FOXO3: variants seen among roughly 807,000 people sequenced by gnomAD.
The protein encoded by FOXO3 is forkhead box O3.
In FOXO3, 4 loss-of-function variants were observed where a neutral mutation model predicts 41.9. The ratio of observed to expected loss-of-function variants is 0.10; its 90% CI spans 0.05 to 0.22. The LOEUF is 0.22. Among genes scored for constraint, FOXO3 ranks in the 10% least tolerant of loss-of-function variants. FOXO3 has a pLI of 1.00. For missense variants in FOXO3, 534 were observed against 906.8 expected (o/e 0.59, Z 5.28); for synonymous variants, 318 against 389.3 (o/e 0.82, Z 2.16).
chr6:108,620,257 G>A (rs1325236901), intron 1 of FOXO3, among the ~76,000 whole-genome samples: 2 of 152,140 alleles, frequency 1.3e-5, no homozygotes, highest in South Asian at 2.1e-4. Flanking sequence ...AGGTCTTAAC[G>A]TGGTTTCATG....
rs553003277 is a variant in FOXO3, at chr6:108,587,850, A to G, written c.621+26021A>G. Reference sequence around the variant, plus strand: ...TTGTGTTAAGTCAGCCATAGGACACACATAAATATTTTTATAGAAAACTTA... The same window carrying G: ...TTGTGTTAAGTCAGCCATAGGACACGCATAAATATTTTTATAGAAAACTTA... On this transcript the variant is annotated intron_variant, in intron 1 of 2. Coordinates refer to ENST00000406360, the MANE Select transcript of FOXO3 (RefSeq NM_001455.4). Among the ~76,000 whole-genome samples, 15 of 152,360 alleles carry G rather than the reference A, an allele frequency of 9.8e-5. No individual in the cohort carries two copies. In the East Asian group the frequency reaches 2.9e-3, roughly 29 times the overall value.
intron 1 of FOXO3, among the ~76,000 whole-genome samples, chr6:108,624,450 G>C (rs1051591498): frequency 3.9e-5 from 6 of 152,128 alleles, no homozygotes; most frequent in African/African-American, 1.4e-4. Context: ...CAGGCCAGTA[G>C]GTTTTTTGCT....
At chr6:108,625,424 C>G (rs1777785590) in intron 1 of FOXO3, among the ~76,000 whole-genome samples, 1 of 152,128 alleles carries the variant, frequency 6.6e-6, no homozygotes, top group African/African-American at 2.4e-5. Flanking sequence ...AAAACTAGTG[C>G]AAATTCTAGT....
intron 1 of FOXO3, among the ~76,000 whole-genome samples, chr6:108,633,976 A>G (rs1438826138): frequency 6.6e-6 from 1 of 152,158 alleles, no homozygotes; most frequent in Non-Finnish European, 1.5e-5. Flanking sequence ...CAAACCTCAA[A>G]TGAATGTGTG....
chr6:108,642,089 GTTTTTT>G (rs5878987), intron 1 of FOXO3, among the ~76,000 whole-genome samples: 50 of 134,986 alleles, frequency 3.7e-4, no homozygotes, highest in African/African-American at 1.2e-3. Context: ...TGCTTTTGGT[GTTTTTT>G]TTTTTTTTTT....
chr6:108,616,305 C>T (rs1489229572), intron 1 of FOXO3, among the ~76,000 whole-genome samples: 1 of 151,916 alleles, frequency 6.6e-6, no homozygotes, highest in Non-Finnish European at 1.5e-5. Flanking sequence ...GCTGGGACTA[C>T]AGGCACCCAC....
chr6:108,651,011 GA>G (rs1778534313), intron 1 of FOXO3, among the ~76,000 whole-genome samples: 1 of 152,182 alleles, frequency 6.6e-6, no homozygotes, highest in Non-Finnish European at 1.5e-5. Flanking sequence ...CCACTATGGT[GA>G]AATACTGAAT....
At position 108,635,113 on chromosome 6, in the gene FOXO3, C is replaced by T. The variant is rs145970492; in HGVS notation, c.622-28342C>T. 4.8e-3 allele frequency among the ~76,000 whole-genome samples: 728 copies of T among 151,998 alleles called. 25 individuals carry two copies. Among genetic ancestry groups the T allele is most frequent in the Admixed American group, 0.045 (686 of 15,244 alleles). On this transcript the variant is annotated intron_variant, in intron 1 of 2. Transcript: ENST00000406360. ...GCCAGAAGTTCAAGACCAGTCTGGC[C>T]AACATGGCAAAACCTCATCTCTACT...
chr6:108,614,372 A>G (rs973268673), intron 1 of FOXO3, among the ~76,000 whole-genome samples: 7 of 152,148 alleles, frequency 4.6e-5, no homozygotes, highest in African/African-American at 1.4e-4. Context: ...TAATAATTGT[A>G]TACTGCTTTA....
At position 108,682,892 on chromosome 6, in the gene FOXO3, A is replaced by G. The variant is rs1407137835; in HGVS notation, c.*3100A>G. ...CTTTTTGATGAGAAATTAGAAGAGT[A>G]CCTAATGTTGAAAACATGACATGCG... On this transcript the variant is annotated 3_prime_UTR_variant, in exon 3 of 3. Transcript: ENST00000406360. 6.5e-6 allele frequency: 1 copy of G among 152,674 alleles called. No homozygotes were observed. The highest frequency in any genetic ancestry group is 2.4e-5 in the African/African-American group (1 of 41,466). The allele number at this position is 152,674 out of a possible 1,614,324, so 9.5% of individuals were successfully genotyped here. A position where few individuals can be genotyped will look rare whatever the true frequency, so the allele number is the denominator to read the frequency against.
intron 1 of FOXO3, among the ~76,000 whole-genome samples, chr6:108,611,855 G>GTA (rs1225059236): frequency 6.6e-6 from 1 of 152,018 alleles, no homozygotes; most frequent in East Asian, 1.9e-4. Flanking sequence ...CAACTAAAGA[G>GTA]CTAAGTTTTA....
At chr6:108,561,882 G>T (rs989663386) in intron 1 of FOXO3, 53 bp downstream of exon 1, 17 of 1,486,088 alleles carry the variant, frequency 1.1e-5, no homozygotes, top group Non-Finnish European at 1.5e-5. Flanking sequence ...CCTGCGCAGC[G>T]CGAGACGCGT....
At position 108,592,013 on chromosome 6, in the gene FOXO3, G is replaced by A. The variant is rs576434496; in HGVS notation, c.621+30184G>A. ...GTCAAAAACATTGTGAGAGAAAAAT[G>A]CCTGAACAGGAGAGTAACTATTGTT... is the stretch of plus-strand genomic sequence containing the variant. On this transcript the variant is annotated intron_variant, in intron 1 of 2. Transcript: ENST00000406360. Among the ~76,000 whole-genome samples, 97 of 152,272 alleles carry A rather than the reference G, an allele frequency of 6.4e-4. 1 individual carries two copies. Among genetic ancestry groups the A allele is most frequent in the African/African-American group, 2.1e-3 (89 of 41,564 alleles).
intron 1 of FOXO3, among the ~76,000 whole-genome samples, chr6:108,653,736 C>T (rs1367718596): frequency 2.6e-5 from 4 of 152,108 alleles, no homozygotes; most frequent in Non-Finnish European, 5.9e-5. Context: ...CCCTTTTATT[C>T]GATTTCCACA....
At position 108,568,866 on chromosome 6, in the gene FOXO3, A is replaced by T. The variant is rs9384681; in HGVS notation, c.621+7037A>T. On this transcript the variant is annotated intron_variant, in intron 1 of 2. Transcript: ENST00000406360. ...CAATGCATAAGTCTCTGAAAACTCC[A>T]TAAGTGTCCATCACTACTTACCACA... Among the ~76,000 whole-genome samples the T allele has an allele frequency of 2.0e-5, 3 of 152,134 alleles. No individual in the cohort carries two copies. The South Asian group carries it at 6.2e-4, about 32-fold the overall frequency.
chr6:108,649,446 A>G (rs1778487442), intron 1 of FOXO3, among the ~76,000 whole-genome samples: 1 of 151,040 alleles, frequency 6.6e-6, no homozygotes. Flanking sequence ...CCCCTGGCAA[A>G]TTGTTCTCCA....
At chr6:108,633,068 C>G (rs1176242571) in intron 1 of FOXO3, among the ~76,000 whole-genome samples, 1 of 151,998 alleles carries the variant, frequency 6.6e-6, no homozygotes, top group African/African-American at 2.4e-5. Flanking sequence ...AGAGGAAATT[C>G]TTCTCAATAT....
chr6:108,621,985 G>A (rs568659037), intron 1 of FOXO3, among the ~76,000 whole-genome samples: 2 of 152,176 alleles, frequency 1.3e-5, no homozygotes, highest in East Asian at 3.9e-4. Flanking sequence ...GGGAGTGGTG[G>A]CTTACCTAGT....
At chr6:108,652,902 AGGT>A (rs1182738849) in intron 1 of FOXO3, among the ~76,000 whole-genome samples, 1 of 152,206 alleles carries the variant, frequency 6.6e-6, no homozygotes, top group Non-Finnish European at 1.5e-5. Context: ...ATCCCATGAC[AGGT>A]GGAGAGCCGG....
Sources: gnomAD v4.1 joint callset for allele counts (sites outside exome capture counted in the v4.1 genomes callset) on GRCh38, gnomAD v4.1.1 for gene constraint, MANE v1.5 for transcripts, NCBI Gene and HGNC (gene_info 2026-07-23, HGNC 2026-07-21) for gene names.